Variants in SMCO4 observed in about 807,000 individuals in gnomAD.
SMCO4 encodes single-pass membrane protein with coiled-coil domains 4, also known as single-pass membrane and coiled-coil domain-containing protein 4.
In SMCO4, 4 loss-of-function variants were observed where a neutral mutation model predicts 3.6. The observed-to-expected ratio is 1.11, with a 90% confidence interval of 0.54 to 2.53. The LOEUF (loss-of-function observed/expected upper bound fraction) is 2.53. Among genes scored for constraint, SMCO4 ranks in the 30% most tolerant of loss-of-function variants. SMCO4 has a pLI of 0.02. For synonymous variants in SMCO4, 36 were observed against 35.3 expected (o/e 1.02, Z -0.07); for missense variants, 70 against 80.8 (o/e 0.87, Z 0.51).
In SMCO4 at chr11:93,528,530, T is replaced by C. The variant is rs529733542; in HGVS notation, c.-154+14746A>G. On this transcript the variant is annotated intron_variant, in intron 1 of 2. Coordinates refer to ENST00000298966, the MANE Select transcript of SMCO4 (RefSeq NM_020179.3). ...ATCAGGGAGCACCAGGGCTGAAGCA[T>C]GTTGAGTTCTGGGGAAGCCCTGTAT... Among the ~76,000 whole-genome samples the C allele has an allele frequency of 3.5e-4, 54 of 152,242 alleles. 1 individual carries two copies. The highest frequency in any genetic ancestry group is 1.2e-3 in the African/African-American group (51 of 41,548).
intron 1 of SMCO4, among the ~76,000 whole-genome samples, chr11:93,515,447 T>C (rs1429711791): frequency 1.3e-5 from 2 of 152,126 alleles, no homozygotes; most frequent in Admixed American, 6.5e-5. Context: ...ACTGTATACA[T>C]GAGGAAAAAA....
At chr11:93,504,594 C>T (rs991872706) in intron 1 of SMCO4, among the ~76,000 whole-genome samples, 2 of 152,194 alleles carry the variant, frequency 1.3e-5, no homozygotes, top group Non-Finnish European at 2.9e-5. Flanking sequence ...CTGACCTAAT[C>T]TTCTTACAAA....
At chr11:93,504,275 T>C (rs1237747848) in intron 1 of SMCO4, among the ~76,000 whole-genome samples, 3 of 152,336 alleles carry the variant, frequency 2.0e-5, no homozygotes, top group Non-Finnish European at 4.4e-5. Context: ...CCTGGATACA[T>C]GTCATTCCCT....
At chr11:93,551,428 A>G in the SMCO4 span, among the ~76,000 whole-genome samples, 1 of 152,140 alleles carries the variant, frequency 6.6e-6, no homozygotes, top group Non-Finnish European at 1.5e-5. Context: ...TTCTCGGTGC[A>G]TCATTGCTTT....
At chr11:93,504,216 T>C (rs1948876861) in intron 1 of SMCO4, among the ~76,000 whole-genome samples, 1 of 152,214 alleles carries the variant, frequency 6.6e-6, no homozygotes, top group Non-Finnish European at 1.5e-5. Context: ...AAAAACTCAA[T>C]GGGAATTTCC....
the SMCO4 span, among the ~76,000 whole-genome samples, chr11:93,551,986 T>G: frequency 6.6e-6 from 1 of 152,090 alleles, no homozygotes; most frequent in Non-Finnish European, 1.5e-5. Context: ...AACTCTAAGA[T>G]GCAACAGTCA....
At chr11:93,534,315 CAT>C (rs1282991191) in intron 1 of SMCO4, among the ~76,000 whole-genome samples, 1 of 145,640 alleles carries the variant, frequency 6.9e-6, no homozygotes, top group South Asian at 2.1e-4. Context: ...CATATATACA[CAT>C]ATATACACAT....
intron 2 of SMCO4, among the ~76,000 whole-genome samples, chr11:93,491,043 C>T (rs376185313): frequency 6.6e-6 from 1 of 152,230 alleles, no homozygotes; most frequent in Admixed American, 6.5e-5. Context: ...CCTCTATATA[C>T]CGTCATTCCT....
In SMCO4 at chr11:93,514,413, T is replaced by TATATACACACAC. The variant is rs58462328; in HGVS notation, c.-153-15066_-153-15065insGTGTGTGTATAT. Among the ~76,000 whole-genome samples, 12 of 33,948 alleles carry TATATACACACAC rather than the reference T, an allele frequency of 3.5e-4. 2 individuals carry two copies. Among genetic ancestry groups the TATATACACACAC allele is most frequent in the African/African-American group, 8.4e-4 (9 of 10,708 alleles). The allele number at this position is 33,948 out of a possible 152,430, so 22.3% of individuals were successfully genotyped here. ...ATATATATATATATATATATATATATATATATATAAAATTTGGTCTCTTCC... is the reference window on the plus strand; with the variant it reads ...ATATATATATATATATATATATATATATATACACACACATATATATAAAATTTGGTCTCTTCC... On this transcript the variant is annotated intron_variant, in intron 1 of 2. Transcript: ENST00000298966.
intron 1 of SMCO4, among the ~76,000 whole-genome samples, chr11:93,522,736 G>C (rs944354150): frequency 1.3e-4 from 20 of 152,196 alleles, no homozygotes; most frequent in African/African-American, 4.8e-4. Flanking sequence ...TCTGATGAGA[G>C]AGTGTCTCAT....
intron 1 of SMCO4, among the ~76,000 whole-genome samples, chr11:93,502,962 A>C (rs543215042): frequency 5.3e-5 from 8 of 152,286 alleles, no homozygotes; most frequent in African/African-American, 1.7e-4. Flanking sequence ...TTGTATACCA[A>C]CTCAAGGAGG....
chr11:93,502,975 G>C (rs1948858205), intron 1 of SMCO4, among the ~76,000 whole-genome samples: 1 of 152,158 alleles, frequency 6.6e-6, no homozygotes, highest in African/African-American at 2.4e-5. Flanking sequence ...CAAGGAGGTA[G>C]GTACTATTAT....
At chr11:93,490,434 C>G (rs1334401479) in intron 2 of SMCO4, among the ~76,000 whole-genome samples, 2 of 152,158 alleles carry the variant, frequency 1.3e-5, no homozygotes, top group Admixed American at 1.3e-4. Flanking sequence ...AATATAACGG[C>G]AGCACATGCA....
At chr11:93,519,836 C>A (rs1489285915) in intron 1 of SMCO4, among the ~76,000 whole-genome samples, 1 of 152,140 alleles carries the variant, frequency 6.6e-6, no homozygotes, top group African/African-American at 2.4e-5. Context: ...ATGGGCTCAC[C>A]CTTACTTGTA....
intron 1 of SMCO4, among the ~76,000 whole-genome samples, chr11:93,528,181 C>A (rs1268324252): frequency 6.6e-6 from 1 of 152,084 alleles, no homozygotes; most frequent in Non-Finnish European, 1.5e-5. Context: ...ACTTTATGGT[C>A]TTTTTCCTAC....
intron 1 of SMCO4, among the ~76,000 whole-genome samples, chr11:93,514,212 T>C (rs556540034): frequency 1.3e-5 from 2 of 151,800 alleles, no homozygotes; most frequent in Non-Finnish European, 2.9e-5. Flanking sequence ...TTCTGATCAC[T>C]GAGGGCTATA....
chr11:93,526,648 C>T, intron 1 of SMCO4, among the ~76,000 whole-genome samples: 1 of 152,212 alleles, frequency 6.6e-6, no homozygotes, highest in East Asian at 1.9e-4. Context: ...GTCAGCCCCA[C>T]TGTTCTCACG....
At chr11:93,516,316 C>G (rs1434343113) in intron 1 of SMCO4, among the ~76,000 whole-genome samples, 1 of 152,072 alleles carries the variant, frequency 6.6e-6, no homozygotes, top group Non-Finnish European at 1.5e-5. Flanking sequence ...AAATAGAAAT[C>G]CTGTAAACAT....
chr11:93,518,197 T>A (rs1949026099), intron 1 of SMCO4, among the ~76,000 whole-genome samples: 1 of 152,226 alleles, frequency 6.6e-6, no homozygotes, highest in Non-Finnish European at 1.5e-5. Flanking sequence ...TGGAATCATA[T>A]AATATGTGGC....
Sources: allele counts gnomAD v4.1 joint callset (sites outside exome capture counted in the v4.1 genomes callset), GRCh38; gene constraint gnomAD v4.1.1; transcripts MANE v1.5; gene names NCBI Gene and HGNC (gene_info 2026-07-23, HGNC 2026-07-21).